Variants in IL1RAPL1 observed in about 807,000 individuals in gnomAD.
IL1RAPL1 encodes the protein interleukin-1 receptor accessory protein-like 1.
Under a neutral mutation model 48.4 loss-of-function variants are expected in IL1RAPL1, and 3 were observed. The ratio of observed to expected loss-of-function variants is 0.06; its 90% CI spans 0.03 to 0.16. The LOEUF (loss-of-function observed/expected upper bound fraction) is 0.16. IL1RAPL1 is among the 10% of genes least tolerant of loss of function. IL1RAPL1 has a pLI of 1.00. For missense variants in IL1RAPL1, 349 were observed against 530.6 expected (o/e 0.66, Z 3.36); for synonymous variants, 185 against 187.7 (o/e 0.99, Z 0.12).
intron 9 of IL1RAPL1, among the ~76,000 whole-genome samples, chrX:29,952,567 A>T (rs1933340047): frequency 8.9e-6 from 1 of 112,303 alleles, no homozygotes; most frequent in Non-Finnish European, 1.9e-5. Flanking sequence ...GATATTATGT[A>T]CTGACTTTAT....
At chrX:28,887,052 A>G (rs1453212256) in intron 2 of IL1RAPL1, among the ~76,000 whole-genome samples, 1 of 112,059 alleles carries the variant, frequency 8.9e-6, no homozygotes. Flanking sequence ...TACTAGTGTC[A>G]GAAATCCCAT....
chrX:28,716,626 C>A (rs1333330339), intron 1 of IL1RAPL1, among the ~76,000 whole-genome samples: 2 of 111,613 alleles, frequency 1.8e-5, no homozygotes, highest in Non-Finnish European at 3.8e-5. Flanking sequence ...GCAAAGATTT[C>A]ATGATGACGA....
intron 5 of IL1RAPL1, among the ~76,000 whole-genome samples, chrX:29,579,122 C>A (rs1038105599): frequency 1.8e-5 from 2 of 111,874 alleles, no homozygotes; most frequent in African/African-American, 6.5e-5. Context: ...AGATTGGAAG[C>A]TTTTAAGATC....
chrX:28,709,347 A>G (rs1355974058), intron 1 of IL1RAPL1, among the ~76,000 whole-genome samples: 1 of 111,990 alleles, frequency 8.9e-6, no homozygotes. Context: ...GTTTATTACT[A>G]TTTTACAAAT....
At chrX:29,536,573 CAA>C (rs1172055300) in intron 5 of IL1RAPL1, among the ~76,000 whole-genome samples, 1 of 110,546 alleles carries the variant, frequency 9.0e-6, no homozygotes, top group African/African-American at 3.3e-5. Flanking sequence ...ACTGGGGAAA[CAA>C]ATTAATATTT....
chrX:29,370,380 A>G (rs773176989), intron 3 of IL1RAPL1, among the ~76,000 whole-genome samples: 93 of 110,086 alleles, frequency 8.4e-4, no homozygotes, highest in African/African-American at 3.0e-3. Context: ...TGGTGGTGGT[A>G]TTTTAAATAA....
intron 5 of IL1RAPL1, among the ~76,000 whole-genome samples, chrX:29,458,710 T>A (rs1374946895): frequency 2.2e-5 from 2 of 91,733 alleles, no homozygotes; most frequent in Non-Finnish European, 4.3e-5. Context: ...AGATCAGAGA[T>A]CAGAGAACGT....
chrX:29,231,650 A>G (rs1931204255), intron 2 of IL1RAPL1, among the ~76,000 whole-genome samples: 1 of 111,687 alleles, frequency 9.0e-6, no homozygotes, highest in African/African-American at 3.3e-5. Context: ...AAAGTTGGTA[A>G]CTATACAGAG....
chrX:28,843,254 G>T (rs189915268), intron 2 of IL1RAPL1, among the ~76,000 whole-genome samples: 119 of 108,171 alleles, frequency 1.1e-3, no homozygotes, highest in African/African-American at 3.7e-3. Flanking sequence ...TGAGCTGAAC[G>T]TAAAAGATAG....
chrX:29,118,159 A>T (rs1024961601), intron 2 of IL1RAPL1, among the ~76,000 whole-genome samples: 1 of 112,219 alleles, frequency 8.9e-6, no homozygotes, highest in Non-Finnish European at 1.9e-5. Flanking sequence ...TGTGTTCTGT[A>T]TAAGTACAGA....
chrX:29,450,955 C>G (rs949856454), intron 5 of IL1RAPL1, among the ~76,000 whole-genome samples: 21 of 110,010 alleles, frequency 1.9e-4, no homozygotes, highest in African/African-American at 6.9e-4. Flanking sequence ...TGTATGATAG[C>G]AAGTTAGGTA....
chrX:29,925,429 T>TG (rs1932880451), intron 8 of IL1RAPL1, among the ~76,000 whole-genome samples: 2 of 23,547 alleles, frequency 8.5e-5, no homozygotes, highest in Non-Finnish European at 1.8e-4. Flanking sequence ...TTTTTTTTTT[T>TG]TTTTTTTTTT....
intron 6 of IL1RAPL1, among the ~76,000 whole-genome samples, chrX:29,882,778 A>G (rs908397166): frequency 4.5e-5 from 5 of 112,062 alleles, no homozygotes; most frequent in Non-Finnish European, 7.5e-5. Context: ...AAATGTTATT[A>G]GTTCTGTGGC....
chrX:29,254,928 G>C (rs532795265), intron 2 of IL1RAPL1, among the ~76,000 whole-genome samples: 1 of 111,936 alleles, frequency 8.9e-6, no homozygotes, highest in East Asian at 2.8e-4. Flanking sequence ...AATAATAAAA[G>C]TAGTCACATT....
chrX:29,444,388 A>ACAG (rs1198922976), intron 5 of IL1RAPL1, among the ~76,000 whole-genome samples: 1 of 108,904 alleles, frequency 9.2e-6, no homozygotes, highest in East Asian at 2.9e-4. Context: ...AGATATGCAT[A>ACAG]CAGAAATGGA....
chrX:29,917,667 T>A, intron 7 of IL1RAPL1, 71 bp downstream of exon 7: 2 of 952,212 alleles, frequency 2.1e-6, no homozygotes, highest in Non-Finnish European at 3.0e-6. Context: ...GAAAGTAAGC[T>A]GAAAGGATTT....
At chrX:29,615,910 C>A (rs184849260) in intron 5 of IL1RAPL1, among the ~76,000 whole-genome samples, 14 of 111,467 alleles carry the variant, frequency 1.3e-4, no homozygotes, top group African/African-American at 4.6e-4. Context: ...GGATTCTTAT[C>A]TGTAAAATGT....
chrX:29,888,765 G>A (rs1384830567), intron 6 of IL1RAPL1, among the ~76,000 whole-genome samples: 2 of 111,785 alleles, frequency 1.8e-5, no homozygotes, highest in Non-Finnish European at 3.8e-5. Flanking sequence ...CAAGGCAAAT[G>A]AAACAACCAA....
At chrX:28,815,329 T>G (rs1936850614) in intron 2 of IL1RAPL1, among the ~76,000 whole-genome samples, 1 of 110,607 alleles carries the variant, frequency 9.0e-6, no homozygotes, top group South Asian at 3.8e-4. Context: ...TGTTTTTTCT[T>G]TTTTTATTGT....
Sources: gnomAD v4.1 joint callset for allele counts (sites outside exome capture counted in the v4.1 genomes callset) on GRCh38, gnomAD v4.1.1 for gene constraint, MANE v1.5 for transcripts, NCBI Gene and HGNC (gene_info 2026-07-23, HGNC 2026-07-21) for gene names.